Variants in GPC5 observed in about 807,000 individuals in gnomAD.
The protein encoded by GPC5 is glypican 5, also known as glypican-5.
Under a neutral mutation model 53.9 loss-of-function variants are expected in GPC5, and 47 were observed. The observed-to-expected ratio is 0.87, with a 90% confidence interval of 0.69 to 1.11. The LOEUF is 1.11. Ranked by LOEUF, GPC5 falls within the 50% of genes most tolerant of loss-of-function variation. The probability of loss-of-function intolerance (pLI) is 0.00; values close to 1 mark genes in which losing one functional copy is unlikely to be tolerated. For missense variants in GPC5, 748 were observed against 713.1 expected, an observed-to-expected ratio of 1.05 and a Z score of -0.56; for synonymous variants, 286 against 263.3, an observed-to-expected ratio of 1.09 and a Z score of -0.84.
chr13:91,810,404 A>C (rs1406675133), intron 5 of GPC5, among the ~76,000 whole-genome samples: 1 of 152,028 alleles, frequency 6.6e-6, no homozygotes, highest in Non-Finnish European at 1.5e-5. Context: ...TTATAGTGCC[A>C]GGGAATGGTT....
At chr13:92,040,802 A>T (rs980693808) in intron 6 of GPC5, among the ~76,000 whole-genome samples, 8 of 152,294 alleles carry the variant, frequency 5.3e-5, no homozygotes, top group Admixed American at 3.3e-4. Context: ...TTTATTTAGA[A>T]GTTTGGTGAT....
chr13:92,695,214 G>A (rs1887522632), intron 7 of GPC5, among the ~76,000 whole-genome samples: 1 of 152,134 alleles, frequency 6.6e-6, no homozygotes, highest in Non-Finnish European at 1.5e-5. Flanking sequence ...TTGGCCACTT[G>A]TATGTCTTCT....
intron 5 of GPC5, among the ~76,000 whole-genome samples, chr13:91,790,560 G>A (rs1394555715): frequency 6.6e-6 from 1 of 151,860 alleles, no homozygotes; most frequent in Admixed American, 6.6e-5. Flanking sequence ...TTATGTTAGG[G>A]GTATAATGTT....
intron 6 of GPC5, among the ~76,000 whole-genome samples, chr13:92,062,809 A>T (rs2138855150): frequency 6.6e-6 from 1 of 152,082 alleles, no homozygotes; most frequent in Non-Finnish European, 1.5e-5. Context: ...TTTTCCTTTT[A>T]TTCCTTATTG....
At chr13:92,000,675 G>T (rs1285347490) in intron 6 of GPC5, among the ~76,000 whole-genome samples, 1 of 152,146 alleles carries the variant, frequency 6.6e-6, no homozygotes, top group Non-Finnish European at 1.5e-5. Context: ...ATCCTCTGGG[G>T]AACACACTGA....
intron 7 of GPC5, among the ~76,000 whole-genome samples, chr13:92,266,921 G>A (rs996987880): frequency 5.3e-5 from 8 of 151,356 alleles, no homozygotes; most frequent in African/African-American, 1.9e-4. Flanking sequence ...TTAATGACAC[G>A]GAGCACTGCA....
At chr13:92,732,150 G>C (rs114895417) in intron 7 of GPC5, among the ~76,000 whole-genome samples, 2 of 151,404 alleles carry the variant, frequency 1.3e-5, no homozygotes, top group African/African-American at 4.8e-5. Context: ...AAAAAGAACA[G>C]GTATTCCTCT....
At chr13:92,612,818 A>G (rs1450459118) in intron 7 of GPC5, among the ~76,000 whole-genome samples, 2 of 152,172 alleles carry the variant, frequency 1.3e-5, no homozygotes, top group Non-Finnish European at 2.9e-5. Flanking sequence ...AGATATTTGT[A>G]AAGTTCTTTG....
intron 7 of GPC5, among the ~76,000 whole-genome samples, chr13:92,471,568 A>G (rs1006418497): frequency 9.9e-5 from 15 of 152,070 alleles, no homozygotes; most frequent in African/African-American, 3.6e-4. Context: ...AAGAAAACTT[A>G]GTTAATTAGC....
intron 7 of GPC5, among the ~76,000 whole-genome samples, chr13:92,385,535 T>C (rs1160127530): frequency 3.8e-5 from 5 of 133,280 alleles, no homozygotes. Context: ...CATATATACA[T>C]ATATGCATAT....
intron 7 of GPC5, among the ~76,000 whole-genome samples, chr13:92,660,999 C>CA (rs1160895041): frequency 2.0e-5 from 3 of 151,816 alleles, no homozygotes; most frequent in African/African-American, 4.8e-5. Context: ...TTAAAAGAAA[C>CA]AAAAAACCTA....
intron 6 of GPC5, among the ~76,000 whole-genome samples, chr13:92,111,276 A>G (rs562491316): frequency 6.6e-6 from 1 of 152,244 alleles, no homozygotes; most frequent in South Asian, 2.1e-4. Context: ...AGAAGGTAGG[A>G]AAAAGTCAAA....
chr13:92,314,865 C>A (rs541878742), intron 7 of GPC5, among the ~76,000 whole-genome samples: 2 of 152,122 alleles, frequency 1.3e-5, no homozygotes, highest in Admixed American at 1.3e-4. Flanking sequence ...CTCAACACCC[C>A]CCATGCTCAA....
intron 7 of GPC5, among the ~76,000 whole-genome samples, chr13:92,370,826 T>C (rs2043644322): frequency 6.6e-6 from 1 of 152,204 alleles, no homozygotes; most frequent in Non-Finnish European, 1.5e-5. Context: ...TGAAAACTTA[T>C]ATTTCAGAAC....
At chr13:91,612,339 A>C (rs990785816) in intron 2 of GPC5, among the ~76,000 whole-genome samples, 3 of 152,212 alleles carry the variant, frequency 2.0e-5, no homozygotes, top group Non-Finnish European at 4.4e-5. Context: ...GTGGTTGGGC[A>C]ATGTTGCATT....
intron 7 of GPC5, among the ~76,000 whole-genome samples, chr13:92,211,186 G>A (rs573964062): frequency 1.3e-5 from 2 of 152,246 alleles, no homozygotes; most frequent in African/African-American, 4.8e-5. Flanking sequence ...TATGCAAAGT[G>A]GGAGGGCTTG....
chr13:91,742,581 T>C (rs975727672), intron 4 of GPC5, among the ~76,000 whole-genome samples: 17 of 152,140 alleles, frequency 1.1e-4, no homozygotes, highest in African/African-American at 1.9e-4. Flanking sequence ...TTGCAGTTGG[T>C]CTTGGATGTG....
intron 6 of GPC5, among the ~76,000 whole-genome samples, chr13:92,132,306 A>C (rs9523514): frequency 0.078 from 11,834 of 152,246 alleles, 524 homozygotes; most frequent in Non-Finnish European, 0.096. Context: ...TGTATGATTT[A>C]TGCACTTTTT....
At chr13:92,506,813 C>T (rs1005912797) in intron 7 of GPC5, among the ~76,000 whole-genome samples, 3 of 152,146 alleles carry the variant, frequency 2.0e-5, no homozygotes, top group South Asian at 2.1e-4. Flanking sequence ...CATAGCCTGT[C>T]GCAGGCTCGA....
Sources: allele counts gnomAD v4.1 joint callset (sites outside exome capture counted in the v4.1 genomes callset), GRCh38; gene constraint gnomAD v4.1.1; transcripts MANE v1.5; gene names NCBI Gene and HGNC (gene_info 2026-07-23, HGNC 2026-07-21).